Variants in GNAQ observed in about 807,000 individuals in gnomAD.
GNAQ encodes the protein G protein subunit alpha q.
Under a neutral mutation model 43.9 loss-of-function variants are expected in GNAQ, and 8 were observed. The observed-to-expected ratio is 0.18, with a 90% CI of 0.11 to 0.33. The LOEUF (loss-of-function observed/expected upper bound fraction) is 0.33. Among genes scored for constraint, GNAQ ranks in the 10% least tolerant of loss-of-function variants. The pLI is 1.00. For missense variants in GNAQ, 158 were observed against 450.8 expected (o/e 0.35, Z 5.88); for synonymous variants, 155 against 170.7 (o/e 0.91, Z 0.71).
At chr9:77,972,852 T>C (rs568364526) in intron 1 of GNAQ, among the ~76,000 whole-genome samples, 4 of 150,096 alleles carry the variant, frequency 2.7e-5, no homozygotes, top group Admixed American at 6.6e-5. Context: ...ACTCAAGAGG[T>C]TGAGGCAGGA....
intron 2 of GNAQ, among the ~76,000 whole-genome samples, chr9:77,918,813 A>G (rs1449765452): frequency 1.3e-5 from 2 of 152,180 alleles, no homozygotes; most frequent in Non-Finnish European, 2.9e-5. Flanking sequence ...GACAGTATAT[A>G]GCATTTATTC....
chr9:77,837,531 G>C (rs1344189189), intron 2 of GNAQ, among the ~76,000 whole-genome samples: 2 of 151,984 alleles, frequency 1.3e-5, no homozygotes, highest in Non-Finnish European at 2.9e-5. Flanking sequence ...TCTAGCCTGG[G>C]TGACAGAGTG....
At chr9:77,999,092 CAAAAAAAAAAAAAA>C (rs56358201) in intron 1 of GNAQ, among the ~76,000 whole-genome samples, 2 of 52,574 alleles carry the variant, frequency 3.8e-5, no homozygotes, top group Non-Finnish European at 3.0e-5. Context: ...AACTCTGTCT[CAAAAAAAAAAAAAA>C]AAAAAAAAAA....
rs558314749 is a variant in GNAQ at position 77,718,317 on chromosome 9, C to T, written c.*3006G>A. On this transcript the variant is annotated 3_prime_UTR_variant, in exon 7 of 7. Coordinates refer to ENST00000286548, the MANE Select transcript of GNAQ (RefSeq NM_002072.5). The stretch of plus-strand genomic sequence containing the variant: ...TTTTTATACAAAACTGAAAAGAATC[C>T]CGTCCCGCCCCTAGCCCCTTCAATA... The T allele has an allele frequency of 3.0e-5, 7 of 232,370 alleles. No individual in the cohort carries two copies. Among genetic ancestry groups the T allele is most frequent in the South Asian group, 3.6e-4 (2 of 5,512 alleles). 14.4% of individuals were successfully genotyped at this position (232,370 alleles called of 1,614,324 possible).
At position 77,865,896 on chromosome 9, in the gene GNAQ, A is replaced by G. The variant is rs150926448; in HGVS notation, c.322-50126T>C. Among the ~76,000 whole-genome samples the G allele has an allele frequency of 1.4e-3, 217 of 152,338 alleles. 1 individual carries two copies. Among genetic ancestry groups the G allele is most frequent in the African/African-American group, 4.8e-3 (201 of 41,574 alleles). On this transcript the variant is annotated intron_variant, in intron 2 of 6. Coordinates refer to ENST00000286548, the MANE Select transcript of GNAQ (RefSeq NM_002072.5). ...GCTCACTAAAGCTTTCACTGAGTCA[A>G]TGGTTACTAAAGATTTACTCTGTGC...
chr9:78,028,247 T>A (rs913354836), intron 1 of GNAQ, among the ~76,000 whole-genome samples: 2 of 152,160 alleles, frequency 1.3e-5, no homozygotes, highest in African/African-American at 4.8e-5. Context: ...AGAAAATAAT[T>A]CAAAATTTAA....
chr9:78,030,980 G>C, intron 1 of GNAQ, 120 bp downstream of exon 1: 2 of 641,526 alleles, frequency 3.1e-6, no homozygotes, highest in Non-Finnish European at 4.4e-6. Flanking sequence ...GGCGCGCCCG[G>C]GAGGGTAGGG....
chr9:77,982,156 C>T (rs1408159975), intron 1 of GNAQ, among the ~76,000 whole-genome samples: 1 of 152,170 alleles, frequency 6.6e-6, no homozygotes, highest in African/African-American at 2.4e-5. Context: ...TTCATACCCA[C>T]TCATCATGTT....
At chr9:77,933,984 C>CT (rs1829192969) in intron 1 of GNAQ, among the ~76,000 whole-genome samples, 1 of 152,168 alleles carries the variant, frequency 6.6e-6, no homozygotes, top group South Asian at 2.1e-4. Context: ...CAGGATAGAA[C>CT]AGCTCATGTG....
At chr9:77,933,381 T>C (rs1829180703) in intron 1 of GNAQ, among the ~76,000 whole-genome samples, 1 of 152,140 alleles carries the variant, frequency 6.6e-6, no homozygotes, top group Non-Finnish European at 1.5e-5. Context: ...AGTGGCATCA[T>C]CTGGCCAGGA....
Position 77,718,688 on chromosome 9 carries a change from C to T in GNAQ, c.*2635G>A. The stretch of plus-strand genomic sequence containing the variant: ...ACTTATGATCTTGTGATGAGGTTTT[C>T]TCTATACACACTGTAGGCCTTCAAA... On this transcript the variant is annotated 3_prime_UTR_variant, in exon 7 of 7. Coordinates refer to ENST00000286548, the MANE Select transcript of GNAQ (RefSeq NM_002072.5). The T allele has an allele frequency of 4.7e-6, 1 of 210,934 alleles. No homozygotes were observed. The highest frequency in any genetic ancestry group is 9.3e-6 in the Non-Finnish European group (1 of 107,758). The allele number at this position is 210,934 out of a possible 1,614,324, so 13.1% of individuals were successfully genotyped here. A position where few individuals can be genotyped will look rare whatever the true frequency, so the allele number is the denominator to read the frequency against.
chr9:77,783,537 G>A (rs1460446473), intron 5 of GNAQ, among the ~76,000 whole-genome samples: 3 of 151,536 alleles, frequency 2.0e-5, no homozygotes, highest in Non-Finnish European at 4.4e-5. Context: ...TCCTTCTCAC[G>A]TTGGTCCCAA....
chr9:77,786,355 CAA>C (rs1226459627), intron 5 of GNAQ, among the ~76,000 whole-genome samples: 21 of 60,742 alleles, frequency 3.5e-4, no homozygotes, highest in Admixed American at 7.5e-4. Context: ...GACTCTGTCT[CAA>C]AAAAAAAAAA....
At chr9:77,840,377 T>C (rs1827470135) in intron 2 of GNAQ, among the ~76,000 whole-genome samples, 1 of 143,618 alleles carries the variant, frequency 7.0e-6, no homozygotes, top group African/African-American at 2.7e-5. Flanking sequence ...TTAGACGGAG[T>C]CGGAGTCGGA....
At chr9:77,939,724 T>C (rs981783108) in intron 1 of GNAQ, among the ~76,000 whole-genome samples, 1 of 152,230 alleles carries the variant, frequency 6.6e-6, no homozygotes, top group African/African-American at 2.4e-5. Context: ...GTAATTATTC[T>C]GTCCAACAAG....
chr9:77,892,326 G>A (rs1195849053), intron 2 of GNAQ, among the ~76,000 whole-genome samples: 2 of 152,048 alleles, frequency 1.3e-5, no homozygotes, highest in African/African-American at 4.8e-5. Context: ...CACTCCCTAT[G>A]CCATGTAAAT....
At chr9:77,962,324 C>A (rs1823115966) in intron 1 of GNAQ, among the ~76,000 whole-genome samples, 1 of 151,912 alleles carries the variant, frequency 6.6e-6, no homozygotes, top group African/African-American at 2.4e-5. Flanking sequence ...ATCTAAGACC[C>A]TCAACAAACA....
At position 78,031,312 on chromosome 9, in the gene GNAQ, TCCC is replaced by T. The variant is rs941117209; in HGVS notation, c.-80_-78del. 2.6e-5 allele frequency: 30 copies of T among 1,163,746 alleles called. No individual in the cohort carries two copies. The highest frequency in any genetic ancestry group is 3.5e-4 in the Middle Eastern group (1 of 2,898). The allele number at this position is 1,163,746 out of a possible 1,614,324, so 72.1% of individuals were successfully genotyped here. On this transcript the variant is annotated 5_prime_UTR_variant, in exon 1 of 7. Transcript: ENST00000286548. ...CGCACACACACCCTCCCGCCCTCGC[TCCC>T]CCGAGGCAGCGGTGGCCGCCGAGCC...
intron 1 of GNAQ, among the ~76,000 whole-genome samples, chr9:78,007,578 A>T (rs1443771679): frequency 6.6e-6 from 1 of 152,236 alleles, no homozygotes; most frequent in African/African-American, 2.4e-5. Flanking sequence ...CAATTTCAAC[A>T]GATATGAATT....
Sources: allele counts gnomAD v4.1 joint callset (sites outside exome capture counted in the v4.1 genomes callset), GRCh38; gene constraint gnomAD v4.1.1; transcripts MANE v1.5; gene names NCBI Gene and HGNC (gene_info 2026-07-23, HGNC 2026-07-21).